Variants in OSBPL1A observed in about 807,000 individuals in gnomAD.
The protein encoded by OSBPL1A is oxysterol-binding protein-related protein 1.
A neutral mutation model predicts 137.1 loss-of-function variants in OSBPL1A; 80 were observed. The observed-to-expected ratio is 0.58, with a 90% CI of 0.49 to 0.70. The LOEUF is 0.70. OSBPL1A is among the 30% of genes least tolerant of loss of function. The probability of loss-of-function intolerance (pLI) is 0.00; values close to 1 mark genes in which losing one functional copy is unlikely to be tolerated. For missense variants in OSBPL1A, 970 were observed against 1,129.4 expected (o/e 0.86, Z 2.02); for synonymous variants, 365 against 389.7 (o/e 0.94, Z 0.75).
chr18:24,231,776 G>A (rs777427628), intron 16 of OSBPL1A, among the ~76,000 whole-genome samples: 6 of 152,216 alleles, frequency 3.9e-5, no homozygotes, highest in Non-Finnish European at 8.8e-5. Context: ...AATTGAGTGA[G>A]AGAACTTTCC....
At chr18:24,217,924 T>C (rs2087759396) in intron 17 of OSBPL1A, among the ~76,000 whole-genome samples, 1 of 152,106 alleles carries the variant, frequency 6.6e-6, no homozygotes, top group Non-Finnish European at 1.5e-5. Context: ...AAAGAACATG[T>C]GGAATGATAC....
chr18:24,239,956 C>G (rs1469900078), intron 15 of OSBPL1A, among the ~76,000 whole-genome samples: 9 of 135,560 alleles, frequency 6.6e-5, no homozygotes, highest in Non-Finnish European at 1.1e-4. Context: ...GATGGAGCCT[C>G]ATTTTGTCGC....
intron 17 of OSBPL1A, among the ~76,000 whole-genome samples, chr18:24,217,165 T>C (rs1161583638): frequency 2.6e-5 from 4 of 152,110 alleles, no homozygotes; most frequent in Non-Finnish European, 5.9e-5. Context: ...GGCTCATATA[T>C]TACCTTTGTA....
intron 2 of OSBPL1A, chr18:24,368,619 G>T: frequency 2.9e-6 from 1 of 349,518 alleles, no homozygotes; most frequent in East Asian, 4.6e-5. Flanking sequence ...CAGGACGGGG[G>T]TTACATTCGA....
At chr18:24,173,422 A>T (rs2086344591) in intron 21 of OSBPL1A, among the ~76,000 whole-genome samples, 1 of 151,930 alleles carries the variant, frequency 6.6e-6, no homozygotes, top group South Asian at 2.1e-4. Flanking sequence ...TTTACTTTTT[A>T]TTTTTTTTGA....
intron 16 of OSBPL1A, among the ~76,000 whole-genome samples, chr18:24,235,630 A>C (rs1380465721): frequency 6.6e-6 from 1 of 152,236 alleles, no homozygotes; most frequent in East Asian, 1.9e-4. Context: ...AATGAGGCCA[A>C]TTCCAGGAGA....
In OSBPL1A at chr18:24,338,281, C is replaced by T. The variant is rs538422526; in HGVS notation, c.394+3266G>A. Among the ~76,000 whole-genome samples the T allele has an allele frequency of 2.4e-3, 367 of 151,468 alleles. 1 individual carries two copies. The highest frequency in any genetic ancestry group is 8.5e-3 in the African/African-American group (349 of 41,286). On this transcript the variant is annotated intron_variant, in intron 5 of 27. Transcript: ENST00000319481. ...ATTTTTAGTAAAGACGGGGTTTCAC[C>T]GTGTTAGCCAGGATGGTCTCGATCT...
At chr18:24,320,826 G>A (rs573210593) in intron 7 of OSBPL1A, among the ~76,000 whole-genome samples, 44 of 151,926 alleles carry the variant, frequency 2.9e-4, no homozygotes, top group Non-Finnish European at 5.9e-4. Context: ...TCAGGAGTTC[G>A]AGACCAGCCT....
At chr18:24,296,605 A>G (rs780039235) in intron 14 of OSBPL1A, among the ~76,000 whole-genome samples, 1 of 151,996 alleles carries the variant, frequency 6.6e-6, no homozygotes, top group Non-Finnish European at 1.5e-5. Context: ...AATGCTTTCA[A>G]TTTTTCCCTA....
intron 16 of OSBPL1A, among the ~76,000 whole-genome samples, chr18:24,230,676 TTCCCAC>T (rs1366972715): frequency 3.3e-5 from 5 of 152,192 alleles, no homozygotes; most frequent in Admixed American, 3.3e-4. Flanking sequence ...TTCTTTTTAT[TTCCCAC>T]TCCATTTTCT....
intron 14 of OSBPL1A, among the ~76,000 whole-genome samples, chr18:24,294,379 C>A (rs901168554): frequency 2.0e-5 from 3 of 151,950 alleles, no homozygotes; most frequent in African/African-American, 7.3e-5. Context: ...TTACAGGTAC[C>A]CGCCACCAGG....
At chr18:24,397,553 C>G (rs1043993523) in intron 1 of OSBPL1A, 102 bp downstream of exon 1, 6 of 152,272 alleles carry the variant, frequency 3.9e-5, no homozygotes, top group African/African-American at 1.4e-4. Flanking sequence ...GCGCCCACCC[C>G]CAACCAGGCG....
At chr18:24,350,498 C>T (rs1389019693) in intron 4 of OSBPL1A, among the ~76,000 whole-genome samples, 1 of 152,012 alleles carries the variant, frequency 6.6e-6, no homozygotes, top group African/African-American at 2.4e-5. Flanking sequence ...CACTATATTG[C>T]CCAGGCTGGC....
intron 2 of OSBPL1A, among the ~76,000 whole-genome samples, chr18:24,376,813 G>A (rs1222122973): frequency 6.6e-6 from 1 of 152,242 alleles, no homozygotes; most frequent in Non-Finnish European, 1.5e-5. Context: ...CTCCGCAGCC[G>A]CTGGCCCGGG....
intron 14 of OSBPL1A, among the ~76,000 whole-genome samples, chr18:24,287,817 T>TAAAATAAAATAAAATA (rs1384551662): frequency 2.4e-4 from 37 of 151,790 alleles, no homozygotes; most frequent in African/African-American, 2.4e-5. Context: ...TAAAATAAAA[T>TAAAATAAAATAAAATA]AGACTTTGGC....
At chr18:24,363,532 T>C (rs2931556) in intron 4 of OSBPL1A, among the ~76,000 whole-genome samples, 26,018 of 150,642 alleles carry the variant, frequency 0.17, 3,710 homozygotes, top group African/African-American at 0.4. Flanking sequence ...CTGCAACCTC[T>C]GCCTGCTGGG....
chr18:24,344,677 A>G (rs2091317169), intron 4 of OSBPL1A, among the ~76,000 whole-genome samples: 3 of 152,146 alleles, frequency 2.0e-5, no homozygotes, highest in South Asian at 2.1e-4. Context: ...AGAGCAGAGG[A>G]CCTGGATGCC....
At chr18:24,322,270 C>T (rs925852124) in intron 7 of OSBPL1A, among the ~76,000 whole-genome samples, 6 of 148,432 alleles carry the variant, frequency 4.0e-5, no homozygotes, top group Non-Finnish European at 7.5e-5. Context: ...CCATCACGCC[C>T]GGCTAATTTT....
intron 12 of OSBPL1A, 74 bp from the exon 13 acceptor site, chr18:24,312,180 A>G: frequency 6.4e-7 from 1 of 1,555,008 alleles, no homozygotes; most frequent in East Asian, 2.3e-5. Context: ...CAATGATCTG[A>G]TAAGCATAAA....
Sources: allele counts gnomAD v4.1 joint callset (sites outside exome capture counted in the v4.1 genomes callset), GRCh38; gene constraint gnomAD v4.1.1; transcripts MANE v1.5; gene names NCBI Gene and HGNC (gene_info 2026-07-23, HGNC 2026-07-21).